Variants in SRGAP1 observed in about 807,000 individuals in gnomAD.
SRGAP1 encodes SLIT-ROBO Rho GTPase activating protein 1.
In SRGAP1, 43 loss-of-function variants were observed where a neutral mutation model predicts 121.9. The observed-to-expected ratio is 0.35, with a 90% CI of 0.28 to 0.46. The LOEUF (loss-of-function observed/expected upper bound fraction) is 0.46, where lower values mean the gene tolerates loss of function less well. SRGAP1 is among the 20% of genes least tolerant of loss of function. The pLI is 1.00. For synonymous variants in SRGAP1, 447 were observed against 485.4 expected (o/e 0.92, Z 1.04); for missense variants, 1,102 against 1,350.9 (o/e 0.82, Z 2.89).
chr12:63,869,098 A>G (rs1267592655), intron 1 of SRGAP1, among the ~76,000 whole-genome samples: 7 of 152,214 alleles, frequency 4.6e-5, no homozygotes, highest in Admixed American at 4.6e-4. Flanking sequence ...TTAAGACACT[A>G]AGGTCTGTTT....
At chr12:63,864,079 C>A (rs1899543086) in intron 1 of SRGAP1, among the ~76,000 whole-genome samples, 1 of 152,162 alleles carries the variant, frequency 6.6e-6, no homozygotes, top group Admixed American at 6.5e-5. Flanking sequence ...TTAGGCTAAA[C>A]TTAAAATATA....
intron 4 of SRGAP1, among the ~76,000 whole-genome samples, chr12:64,022,029 A>C (rs1037427318): frequency 6.6e-6 from 1 of 152,222 alleles, no homozygotes; most frequent in Non-Finnish European, 1.5e-5. Flanking sequence ...CTGCACTGGC[A>C]GTCAGCAAGC....
chr12:63,989,252 CAAG>C (rs544572596), intron 2 of SRGAP1, among the ~76,000 whole-genome samples: 26 of 152,194 alleles, frequency 1.7e-4, no homozygotes, highest in African/African-American at 6.3e-4. Flanking sequence ...TAGAATAAAA[CAAG>C]GAGCAGTTAT....
intron 1 of SRGAP1, among the ~76,000 whole-genome samples, chr12:63,892,069 ACT>A (rs1428285677): frequency 1.3e-5 from 2 of 151,972 alleles, no homozygotes; most frequent in Non-Finnish European, 2.9e-5. Flanking sequence ...CTACCATACG[ACT>A]CTTTTTCCAG....
chr12:63,881,423 T>A (rs1900190874), intron 1 of SRGAP1, among the ~76,000 whole-genome samples: 1 of 152,172 alleles, frequency 6.6e-6, no homozygotes, highest in Non-Finnish European at 1.5e-5. Flanking sequence ...TTTTTGGTGG[T>A]TACTCATTAT....
chr12:63,973,143 G>A (rs1006763952), intron 1 of SRGAP1, among the ~76,000 whole-genome samples: 5 of 152,094 alleles, frequency 3.3e-5, no homozygotes, highest in African/African-American at 4.8e-5. Flanking sequence ...GTGAGGCTCC[G>A]TCTCAAAAGA....
chr12:64,016,152 A>T (rs567014939), intron 3 of SRGAP1, among the ~76,000 whole-genome samples: 26 of 152,234 alleles, frequency 1.7e-4, no homozygotes, highest in Non-Finnish European at 2.8e-4. Flanking sequence ...TACTGCTTTG[A>T]AAGTGCTTTC....
At chr12:64,124,750 T>C (rs1416670126) in intron 18 of SRGAP1, among the ~76,000 whole-genome samples, 1 of 152,218 alleles carries the variant, frequency 6.6e-6, no homozygotes, top group Non-Finnish European at 1.5e-5. Flanking sequence ...ATTCCAATTG[T>C]AAGTCTAGCA....
intron 1 of SRGAP1, among the ~76,000 whole-genome samples, chr12:63,908,468 C>T (rs977959740): frequency 1.3e-5 from 2 of 152,196 alleles, no homozygotes; most frequent in Non-Finnish European, 2.9e-5. Context: ...TGGCTCACTG[C>T]AACCTCTGCC....
chr12:63,988,710 A>G lies in SRGAP1; in HGVS notation c.264-1200A>G, dbSNP rs192377940. Among the ~76,000 whole-genome samples the G allele has an allele frequency of 3.4e-3, 520 of 152,342 alleles. 3 individuals carry two copies. The highest frequency in any genetic ancestry group is 5.8e-3 in the Non-Finnish European group (397 of 68,030). On this transcript the variant is annotated intron_variant, in intron 2 of 21. Coordinates refer to ENST00000355086, the MANE Select transcript of SRGAP1 (RefSeq NM_020762.4). ...TGATCATAAATAATAGGAGGATAAC[A>G]TGTCTGATTAAAGGGTGCTTTTGTT...
intron 3 of SRGAP1, among the ~76,000 whole-genome samples, chr12:64,008,557 A>G (rs1446940226): frequency 1.3e-5 from 2 of 152,170 alleles, no homozygotes; most frequent in Non-Finnish European, 2.9e-5. Flanking sequence ...CCAGAGTGAT[A>G]TAAATATAGA....
intron 15 of SRGAP1, chr12:64,097,667 A>C: frequency 3.6e-6 from 1 of 274,258 alleles, no homozygotes. Flanking sequence ...GCCTAAGGGA[A>C]AGGAGGAAGT....
At chr12:64,118,889 G>A (rs2036562800) in intron 18 of SRGAP1, among the ~76,000 whole-genome samples, 1 of 151,794 alleles carries the variant, frequency 6.6e-6, no homozygotes, top group African/African-American at 2.4e-5. Flanking sequence ...TGTATTTTTA[G>A]TAGAGACAGC....
intron 6 of SRGAP1, among the ~76,000 whole-genome samples, chr12:64,055,648 A>G (rs1244406390): frequency 1.3e-5 from 2 of 152,124 alleles, no homozygotes; most frequent in Non-Finnish European, 2.9e-5. Context: ...ACTGGTACCA[A>G]AACAGAGATA....
chr12:63,911,163 G>A (rs915952270), intron 1 of SRGAP1, among the ~76,000 whole-genome samples: 2 of 151,932 alleles, frequency 1.3e-5, no homozygotes, highest in East Asian at 3.9e-4. Context: ...GCCAGGCGTG[G>A]TGGCAGGCAC....
At chr12:63,870,296 G>T (rs755258605) in intron 1 of SRGAP1, among the ~76,000 whole-genome samples, 1 of 152,062 alleles carries the variant, frequency 6.6e-6, no homozygotes, top group Non-Finnish European at 1.5e-5. Flanking sequence ...TAGAAAAAGC[G>T]GTTTGGGTAG....
At chr12:64,135,782 G>C (rs1015757197) in intron 21 of SRGAP1, among the ~76,000 whole-genome samples, 1 of 152,038 alleles carries the variant, frequency 6.6e-6, no homozygotes, top group Non-Finnish European at 1.5e-5. Context: ...AACCACTCCT[G>C]GTACCAAAAC....
chr12:63,934,950 A>G (rs1346857524), intron 1 of SRGAP1, among the ~76,000 whole-genome samples: 2 of 152,202 alleles, frequency 1.3e-5, no homozygotes, highest in Non-Finnish European at 2.9e-5. Context: ...GAGATGGAGA[A>G]TAGAAAGGCA....
intron 4 of SRGAP1, among the ~76,000 whole-genome samples, chr12:64,033,839 G>A (rs1201124789): frequency 6.6e-6 from 1 of 152,090 alleles, no homozygotes; most frequent in Middle Eastern, 3.2e-3. Context: ...GACCAAGATG[G>A]TGAAACCCCA....
Sources: gnomAD v4.1 joint callset for allele counts (sites outside exome capture counted in the v4.1 genomes callset) on GRCh38, gnomAD v4.1.1 for gene constraint, MANE v1.5 for transcripts, NCBI Gene and HGNC (gene_info 2026-07-23, HGNC 2026-07-21) for gene names.